The following CACNB4 variants were observed in gnomAD, a reference collection of about 807,000 sequenced individuals.
CACNB4 encodes voltage-dependent L-type calcium channel subunit beta-4.
A neutral mutation model predicts 71.2 loss-of-function variants in CACNB4; 32 were observed. The observed-to-expected ratio is 0.45, with a 90% confidence interval of 0.34 to 0.60. The LOEUF (loss-of-function observed/expected upper bound fraction) is 0.60. CACNB4 is among the 20% of genes least tolerant of loss of function. The pLI, the probability that CACNB4 is intolerant of heterozygous loss-of-function variation, is 0.01. For synonymous variants in CACNB4, 231 were observed against 236.9 expected (o/e 0.97, Z 0.23); for missense variants, 464 against 647.9 (o/e 0.72, Z 3.08).
intron 2 of CACNB4, among the ~76,000 whole-genome samples, chr2:151,884,922 C>G (rs1007599742): frequency 6.6e-6 from 1 of 152,194 alleles, no homozygotes; most frequent in East Asian, 1.9e-4. Context: ...ATCCATATAG[C>G]TGAGAATCTG....
In CACNB4 at chr2:151,841,931, G is replaced by A; in HGVS notation, c.1274C>T (p.Pro425Leu). 6.2e-7 allele frequency: 1 copy of A among 1,613,914 alleles called. No individual in the cohort carries two copies. Among genetic ancestry groups the A allele is most frequent in the Non-Finnish European group, 8.5e-7 (1 of 1,179,862 alleles). ...TAACCCAGAAATTGCTGTGGGATATGGTGAGAGTGCCGTGGAGCCCAAATT... is the reference window on the plus strand; with the variant it reads ...TAACCCAGAAATTGCTGTGGGATATAGTGAGAGTGCCGTGGAGCCCAAATT... ...GRNLGSTALS[P>L]YPTAISGLQS... is the part of the protein sequence containing the mutation. The change falls in exon 13 of 14, where the codon CCA becomes CTA. Residue 425 changes from proline (P) to leucine (L), a missense_variant. By Grantham distance (98) the Pro-to-Leu change is moderately conservative. Around this residue, in one of 3 missense-constraint regions of CACNB4, gnomAD observed 115 missense variants for 128.8 expected, o/e 0.89. Transcript: ENST00000539935.
At chr2:151,929,458 C>A (rs1207146599) in intron 2 of CACNB4, among the ~76,000 whole-genome samples, 1 of 152,098 alleles carries the variant, frequency 6.6e-6, no homozygotes, top group Non-Finnish European at 1.5e-5. Context: ...GCTTTAATGA[C>A]CCACAAATGG....
At chr2:151,931,357 C>T (rs922454176) in intron 2 of CACNB4, among the ~76,000 whole-genome samples, 1 of 152,146 alleles carries the variant, frequency 6.6e-6, no homozygotes, top group African/African-American at 2.4e-5. Context: ...TGGCAAGTAA[C>T]ATTTAGTTAA....
At chr2:152,019,432 T>C (rs1480916996) in intron 2 of CACNB4, among the ~76,000 whole-genome samples, 1 of 152,172 alleles carries the variant, frequency 6.6e-6, no homozygotes, top group Non-Finnish European at 1.5e-5. Flanking sequence ...TTCTCAGATT[T>C]TGAGCTCCCT....
chr2:151,989,104 C>A (rs901751645), intron 2 of CACNB4, among the ~76,000 whole-genome samples: 1 of 152,190 alleles, frequency 6.6e-6, no homozygotes, highest in East Asian at 1.9e-4. Context: ...TTGATCTTCT[C>A]ACCTGTGTTT....
chr2:151,936,745 T>C (rs2099863012), intron 2 of CACNB4, among the ~76,000 whole-genome samples: 1 of 152,248 alleles, frequency 6.6e-6, no homozygotes, highest in African/African-American at 2.4e-5. Context: ...GGGAATGCCC[T>C]AGGGCCCGGA....
chr2:152,028,453 T>C (rs569168779), intron 2 of CACNB4, among the ~76,000 whole-genome samples: 1 of 152,366 alleles, frequency 6.6e-6, no homozygotes, highest in South Asian at 2.1e-4. Context: ...AGTTCTACTG[T>C]AGCCTGTGGA....
intron 2 of CACNB4, among the ~76,000 whole-genome samples, chr2:151,889,684 T>G (rs968488486): frequency 3.3e-5 from 5 of 152,078 alleles, no homozygotes; most frequent in Non-Finnish European, 7.4e-5. Flanking sequence ...ACTCACAAGG[T>G]TGTCATTAGG....
intron 5 of CACNB4, among the ~76,000 whole-genome samples, chr2:151,875,756 C>T (rs1261595097): frequency 3.1e-5 from 3 of 98,208 alleles, no homozygotes; most frequent in Admixed American, 2.6e-4. Flanking sequence ...CGGGCAGAGG[C>T]ACCCCTCACC....
intron 2 of CACNB4, among the ~76,000 whole-genome samples, chr2:152,001,382 G>A (rs1188756923): frequency 1.3e-5 from 2 of 151,020 alleles, no homozygotes; most frequent in East Asian, 3.9e-4. Flanking sequence ...TGGCAGGGTA[G>A]CGTCCATCAG....
At chr2:152,052,226 T>C (rs1685471448) in intron 2 of CACNB4, among the ~76,000 whole-genome samples, 1 of 152,252 alleles carries the variant, frequency 6.6e-6, no homozygotes. Flanking sequence ...CGAAGCCTAT[T>C]TTATAATAAA....
At chr2:152,013,535 C>T (rs1009957477) in intron 2 of CACNB4, among the ~76,000 whole-genome samples, 1 of 152,024 alleles carries the variant, frequency 6.6e-6, no homozygotes, top group African/African-American at 2.4e-5. Context: ...CCTTGTGAGT[C>T]CCATGATGGA....
chr2:152,076,461 C>T (rs528960947), intron 2 of CACNB4, among the ~76,000 whole-genome samples: 1 of 152,024 alleles, frequency 6.6e-6, no homozygotes, highest in Non-Finnish European at 1.5e-5. Context: ...TGCGCCTGGC[C>T]GCTTTTCATT....
chr2:151,988,166 T>A (rs1275224739), intron 2 of CACNB4, among the ~76,000 whole-genome samples: 1 of 151,612 alleles, frequency 6.6e-6, no homozygotes, highest in African/African-American at 2.4e-5. Flanking sequence ...TGCTACTGTA[T>A]TTTTTTTTCT....
At chr2:151,905,259 C>T (rs781225912) in intron 2 of CACNB4, among the ~76,000 whole-genome samples, 3 of 152,192 alleles carry the variant, frequency 2.0e-5, no homozygotes, top group Non-Finnish European at 4.4e-5. Context: ...CTCTCCAGCC[C>T]ATTGCTTGCT....
chr2:151,995,222 G>T (rs1230758123), intron 2 of CACNB4, among the ~76,000 whole-genome samples: 2 of 137,708 alleles, frequency 1.5e-5, no homozygotes, highest in Non-Finnish European at 3.0e-5. Context: ...GAGTGTTTTG[G>T]GTACTTTATA....
At position 151,832,786 on chromosome 2, in the gene CACNB4, C is replaced by G. The variant is rs1311486723; in HGVS notation, c.*6333G>C. 6.6e-6 allele frequency: 1 copy of G among 151,420 alleles called. No individual in the cohort carries two copies. The highest frequency in any genetic ancestry group is 1.5e-5 in the Non-Finnish European group (1 of 67,832). The allele number at this position is 151,420 out of a possible 1,614,324, so 9.4% of individuals were successfully genotyped here. A position where few individuals can be genotyped will look rare whatever the true frequency, so the allele number is the denominator to read the frequency against. On this transcript the variant is annotated 3_prime_UTR_variant, in exon 14 of 14. Transcript: ENST00000539935. ...ATAACGCTGGTTTCAGTGTTTTTTT[C>G]ATTTATTATATAAAAGAAAAAAAGT...
intron 2 of CACNB4, among the ~76,000 whole-genome samples, chr2:151,966,196 A>G (rs10208254): frequency 0.48 from 73,284 of 151,944 alleles, 20,445 homozygotes; most frequent in Non-Finnish European, 0.64. Context: ...TCAGAGATTA[A>G]GTGACTTGCC....
At chr2:151,972,692 TTTTTTTG>T (rs1307784244) in intron 2 of CACNB4, 2 of 143,834 alleles carry the variant, frequency 1.4e-5, no homozygotes, top group Admixed American at 1.4e-4. Context: ...CCACAGGGTT[TTTTTTTG>T]TTTTTTGTTT....
Sources: gnomAD v4.1 joint callset for allele counts (sites outside exome capture counted in the v4.1 genomes callset) on GRCh38, gnomAD v4.1.1 for gene constraint, gnomAD v4.1.1 regional missense constraint, MANE v1.5 for transcripts, NCBI Gene and HGNC (gene_info 2026-07-23, HGNC 2026-07-21) for gene names.